The following ABHD2 variants were observed in gnomAD, a reference collection of about 807,000 sequenced individuals.
The protein encoded by ABHD2 is monoacylglycerol lipase ABHD2.
Under a neutral mutation model 48.1 loss-of-function variants are expected in ABHD2, and 20 were observed. The observed-to-expected ratio is 0.42, with a 90% CI of 0.29 to 0.60. ABHD2 has a LOEUF of 0.60. Ranked by LOEUF, ABHD2 falls within the 20% of genes least tolerant of loss-of-function variation. The pLI, the probability that ABHD2 is intolerant of heterozygous loss-of-function variation, is 0.24. For synonymous variants in ABHD2, 209 were observed against 214.2 expected, an observed-to-expected ratio of 0.98 and a Z score of 0.21; for missense variants, 405 against 550.9, an observed-to-expected ratio of 0.74 and a Z score of 2.65.
intron 5 of ABHD2, among the ~76,000 whole-genome samples, chr15:89,170,279 CA>C (rs1338646528): frequency 6.6e-6 from 1 of 151,016 alleles, no homozygotes; most frequent in Non-Finnish European, 1.5e-5. Flanking sequence ...GTATTTTTAG[CA>C]GAGACAGGGT....
intron 3 of ABHD2, among the ~76,000 whole-genome samples, chr15:89,125,724 C>T (rs987076111): frequency 6.6e-6 from 1 of 152,200 alleles, no homozygotes; most frequent in Non-Finnish European, 1.5e-5. Context: ...ATGTTGCCTG[C>T]CTGCCCTGTC....
Position 89,186,772 on chromosome 15 carries a change from C to G in ABHD2, c.815+1256C>G, listed in dbSNP as rs2051217747. Among the ~76,000 whole-genome samples, 1 of 152,196 alleles carries G rather than the reference C, an allele frequency of 6.6e-6. No individual in the cohort carries two copies. The highest frequency in any genetic ancestry group is 2.1e-4 in the South Asian group (1 of 4,830). Reference sequence around the variant, plus strand: ...TATCACCCTAGAAAAAGCAATCTGACTAAATGATCAATTTCTTGTTCTCTT... The same window carrying G: ...TATCACCCTAGAAAAAGCAATCTGAGTAAATGATCAATTTCTTGTTCTCTT... On this transcript the variant is annotated intron_variant, in intron 7 of 10. Coordinates refer to ENST00000352732, the MANE Select transcript of ABHD2 (RefSeq NM_152924.5). The surrounding 1 kb of genome is among the most constrained non-coding windows in gnomAD (Gnocchi z 4.3).
rs2150811327 is a variant in ABHD2 at position 89,114,687 on chromosome 15, T to C, written c.-7+863T>C. 6.6e-6 allele frequency among the ~76,000 whole-genome samples: 1 copy of C among 152,256 alleles called. No individual in the cohort carries two copies. The highest frequency in any genetic ancestry group is 1.9e-4 in the East Asian group (1 of 5,170). On this transcript the variant is annotated intron_variant, in intron 2 of 10. Coordinates refer to ENST00000352732, the MANE Select transcript of ABHD2 (RefSeq NM_152924.5). The surrounding 1 kb of genome is among the most constrained non-coding windows in gnomAD (Gnocchi z 4.2). ...TGGTAGAGACAGGATTTCACCATGT[T>C]GGCCAGGGCTGGTCTCGAACTCCTG... is the stretch of plus-strand genomic sequence containing the variant.
At chr15:89,135,098 T>G (rs184485539) in intron 3 of ABHD2, among the ~76,000 whole-genome samples, 82 of 151,320 alleles carry the variant, frequency 5.4e-4, no homozygotes, top group Middle Eastern at 3.5e-3. Context: ...AAATTGTATT[T>G]GCTTAGAAGC....
the ABHD2 span, among the ~76,000 whole-genome samples, chr15:89,045,997 A>G: frequency 3.3e-5 from 5 of 152,298 alleles, no homozygotes; most frequent in South Asian, 8.3e-4. Flanking sequence ...AAATGCTTCC[A>G]GTTTTTGCCC....
chr15:89,086,853 A>G (rs569684791), upstream of ABHD2, among the ~76,000 whole-genome samples: 1 of 152,348 alleles, frequency 6.6e-6, no homozygotes, highest in South Asian at 2.1e-4. Flanking sequence ...GTTCATCACT[A>G]AGAGACTTTG....
At chr15:89,090,851 T>G (rs1185079223) in intron 1 of ABHD2, among the ~76,000 whole-genome samples, 1 of 152,202 alleles carries the variant, frequency 6.6e-6, no homozygotes, top group Admixed American at 6.5e-5. Flanking sequence ...TATGAGCCAC[T>G]GTATTAAGTG....
chr15:89,165,223 C>A (rs572164632), intron 5 of ABHD2, among the ~76,000 whole-genome samples: 56 of 152,280 alleles, frequency 3.7e-4, no homozygotes, highest in African/African-American at 1.2e-3. Context: ...TATACAGAGC[C>A]AGCCCTTAAA....
At position 89,179,280 on chromosome 15, in the gene ABHD2, G is replaced by C. The variant is rs896292066; in HGVS notation, c.722+3285G>C. ...CCGCACAGCAGGAGGTGAGCGGTGGGCAGGTCACAGTGGGCAAAGCAGTAG... is the reference window on the plus strand; with the variant it reads ...CCGCACAGCAGGAGGTGAGCGGTGGCCAGGTCACAGTGGGCAAAGCAGTAG... On this transcript the variant is annotated intron_variant, in intron 6 of 10. Coordinates refer to ENST00000352732, the MANE Select transcript of ABHD2 (RefSeq NM_152924.5). The surrounding 1 kb of genome is among the most constrained non-coding windows in gnomAD (Gnocchi z 4.3). 6.6e-6 allele frequency among the ~76,000 whole-genome samples: 1 copy of C among 152,184 alleles called. No homozygotes were observed. Among genetic ancestry groups the C allele is most frequent in the African/African-American group, 2.4e-5 (1 of 41,442 alleles).
intron 10 of ABHD2, among the ~76,000 whole-genome samples, chr15:89,194,311 C>T (rs1410866022): frequency 6.6e-6 from 1 of 151,792 alleles, no homozygotes; most frequent in Non-Finnish European, 1.5e-5. Context: ...TCAGCCTGGC[C>T]AACATGGTGA....
At chr15:89,083,920 A>C (rs1295182306), upstream of ABHD2, among the ~76,000 whole-genome samples, 4 of 152,218 alleles carry the variant, frequency 2.6e-5, no homozygotes. This position sits in a 1 kb window ranked among gnomAD's most constrained non-coding sequence, Gnocchi z 5.1. Flanking sequence ...GTAACAGGAC[A>C]TTCTGAACCT....
the ABHD2 span, among the ~76,000 whole-genome samples, chr15:89,047,246 A>C: frequency 6.6e-6 from 1 of 151,746 alleles, no homozygotes; most frequent in African/African-American, 2.4e-5. Flanking sequence ...GTTTGATTGC[A>C]CTGTGGTCTG....
At chr15:89,108,118 C>T (rs1303958073) in intron 1 of ABHD2, among the ~76,000 whole-genome samples, 7 of 152,172 alleles carry the variant, frequency 4.6e-5, no homozygotes, top group African/African-American at 7.2e-5. Flanking sequence ...AAGTGGCAAA[C>T]GGTCCCTTCA....
In ABHD2 at chr15:89,200,428, G is replaced by GTACAGT. The variant is rs2051454844; in HGVS notation, c.*5005_*5006insTACAGT. 2 of 152,618 alleles carry GTACAGT rather than the reference G, an allele frequency of 1.3e-5. No individual in the cohort carries two copies. The highest frequency in any genetic ancestry group is 4.8e-5 in the African/African-American group (2 of 41,402). The allele number at this position is 152,618 out of a possible 1,614,324, so 9.5% of individuals were successfully genotyped here. ...GCAAGCGCTCCTCACTTCCCAGATG[G>GTACAGT]GGCGGCTCCCGGGAAGCGGGGCTCC... On this transcript the variant is annotated 3_prime_UTR_variant, in exon 11 of 11. Transcript: ENST00000352732.
the ABHD2 span, among the ~76,000 whole-genome samples, chr15:89,064,523 C>T: frequency 2.6e-5 from 4 of 152,186 alleles, no homozygotes; most frequent in South Asian, 2.1e-4. Flanking sequence ...CTATCGCGCC[C>T]GGCCAACATT....
chr15:89,053,124 G>C, the ABHD2 span, among the ~76,000 whole-genome samples: 1 of 151,708 alleles, frequency 6.6e-6, no homozygotes, highest in African/African-American at 2.4e-5. Flanking sequence ...GTGCCACCAC[G>C]CCTGGCCAAT....
the ABHD2 span, among the ~76,000 whole-genome samples, chr15:89,080,874 C>CT: frequency 5.3e-5 from 8 of 151,866 alleles, no homozygotes; most frequent in Admixed American, 5.3e-4. Context: ...TTTTACTCTT[C>CT]TAGGCACCTC....
chr15:89,190,614 C>T (rs1341708126), intron 8 of ABHD2, among the ~76,000 whole-genome samples: 3 of 152,168 alleles, frequency 2.0e-5, no homozygotes, highest in Non-Finnish European at 4.4e-5. Context: ...ATGTAACATA[C>T]ACTAATAATT....
In ABHD2 at chr15:89,092,705, T is replaced by C. The variant is rs925547009; in HGVS notation, c.-107+4142T>C. Among the ~76,000 whole-genome samples, 1 of 152,240 alleles carries C rather than the reference T, an allele frequency of 6.6e-6. No homozygotes were observed. The highest frequency in any genetic ancestry group is 6.5e-5 in the Admixed American group (1 of 15,284). ...AAGCAAATTCGTTAAACATATTCTG[T>C]ACACCACCCCTTTTTGCAGAAATGG... On this transcript the variant is annotated intron_variant, in intron 1 of 10. Coordinates refer to ENST00000352732, the MANE Select transcript of ABHD2 (RefSeq NM_152924.5). The surrounding 1 kb of genome is among the most constrained non-coding windows in gnomAD (Gnocchi z 4.4).
Sources: gnomAD v4.1 joint callset for allele counts (sites outside exome capture counted in the v4.1 genomes callset) on GRCh38, gnomAD v4.1.1 for gene constraint, Gnocchi (gnomAD v3.1) non-coding constraint, MANE v1.5 for transcripts, NCBI Gene and HGNC (gene_info 2026-07-23, HGNC 2026-07-21) for gene names.